Variants in ROBO2 observed in about 807,000 individuals in gnomAD.
ROBO2 encodes the protein roundabout homolog 2.
ROBO2 carries 53 observed loss-of-function variants against 160.8 expected under a neutral mutation model. The observed-to-expected ratio is 0.33, with a 90% CI of 0.26 to 0.41. The LOEUF (loss-of-function observed/expected upper bound fraction) is 0.41. ROBO2 is among the 10% of genes least tolerant of loss of function. The probability of loss-of-function intolerance (pLI) is 1.00; values close to 1 mark genes in which losing one functional copy is unlikely to be tolerated. For synonymous variants in ROBO2, 664 were observed against 611.7 expected (o/e 1.09, Z -1.26); for missense variants, 1,577 against 1,722.4 (o/e 0.92, Z 1.49).
intron 4 of ROBO2, among the ~76,000 whole-genome samples, chr3:77,489,074 G>T (rs1458398334): frequency 1.3e-5 from 2 of 152,166 alleles, no homozygotes; most frequent in African/African-American, 4.8e-5. Flanking sequence ...GTTAGAAAGG[G>T]TGCTATGGAA....
intron 2 of ROBO2, among the ~76,000 whole-genome samples, chr3:76,382,809 T>C (rs972485467): frequency 6.6e-6 from 1 of 152,152 alleles, no homozygotes; most frequent in Non-Finnish European, 1.5e-5. Context: ...TAACTGTAGA[T>C]GTTACATGAC....
rs1441792927 is a variant in ROBO2, at chr3:77,019,927, T to C, written c.110-78087T>C. ...AACCACAAGTCTCATTTCTTCCTGG[T>C]CGACTTGGTTATGGGGCTTAATAAT... On this transcript the variant is annotated intron_variant, in intron 2 of 26. Coordinates refer to the ROBO2 transcript ENST00000487694. Among the ~76,000 whole-genome samples, 4 of 152,194 alleles carry C rather than the reference T, an allele frequency of 2.6e-5. No individual in the cohort carries two copies. In the South Asian group the frequency reaches 8.3e-4, roughly 31 times the overall value.
At chr3:77,581,785 T>C (rs1198660432) in intron 16 of ROBO2, among the ~76,000 whole-genome samples, 1 of 152,166 alleles carries the variant, frequency 6.6e-6, no homozygotes, top group Non-Finnish European at 1.5e-5. Flanking sequence ...AATTATTTGT[T>C]AGTATTATCA....
intron 2 of ROBO2, among the ~76,000 whole-genome samples, chr3:76,334,504 A>C (rs1299331084): frequency 6.6e-6 from 1 of 152,206 alleles, no homozygotes; most frequent in Non-Finnish European, 1.5e-5. Context: ...ATGTTAGGGC[A>C]TTGAGAGGAC....
intron 13 of ROBO2, among the ~76,000 whole-genome samples, chr3:77,572,900 A>T (rs2093673467): frequency 6.6e-6 from 1 of 152,056 alleles, no homozygotes; most frequent in South Asian, 2.1e-4. Flanking sequence ...GACAAATTTC[A>T]ACATTTCAAC....
At chr3:76,129,014 T>C (rs1219757428) in intron 2 of ROBO2, among the ~76,000 whole-genome samples, 1 of 151,684 alleles carries the variant, frequency 6.6e-6, no homozygotes, top group African/African-American at 2.4e-5. Flanking sequence ...TGTGAGGTTA[T>C]ACTCTATGAA....
rs144181654 is a variant in ROBO2, at chr3:77,463,711, G to GC, written c.389-13702dup. ...TCCTCCCACCTCAGCCTCCAAAGTAGCTGTGACTACAGGCGCACACCATTA... is the reference window on the plus strand; with the variant it reads ...TCCTCCCACCTCAGCCTCCAAAGTAGCCTGTGACTACAGGCGCACACCATTA... On this transcript the variant is annotated intron_variant, in intron 2 of 25. Transcript: ENST00000461745. Among the ~76,000 whole-genome samples, 1,162 of 152,118 alleles carry GC rather than the reference G, an allele frequency of 7.6e-3. 23 individuals are homozygous for GC. The highest frequency in any genetic ancestry group is 0.026 in the African/African-American group (1,098 of 41,486).
chr3:76,468,263 G>T (rs2078463437), intron 2 of ROBO2, among the ~76,000 whole-genome samples: 1 of 152,138 alleles, frequency 6.6e-6, no homozygotes, highest in Admixed American at 6.6e-5. Context: ...TGAATCCATT[G>T]TCAGCACTTT....
chr3:76,196,093 T>G (rs1193246832), intron 2 of ROBO2, among the ~76,000 whole-genome samples: 1 of 152,158 alleles, frequency 6.6e-6, no homozygotes, highest in Non-Finnish European at 1.5e-5. Flanking sequence ...TTTCCTGTTC[T>G]CACTCTGGGA....
Position 76,828,858 on chromosome 3 carries a change from T to C in ROBO2, c.110-269156T>C, listed in dbSNP as rs1054768783. Among the ~76,000 whole-genome samples, 3 of 152,060 alleles carry C rather than the reference T, an allele frequency of 2.0e-5. No individual in the cohort carries two copies. In the East Asian group the frequency reaches 5.8e-4, roughly 29 times the overall value. ...CTGTGCCAAAAGACAGATGTTTTTG[T>C]ACCTCTTTTTACAGACAGAAAAAAA... On this transcript the variant is annotated intron_variant, in intron 2 of 26. Coordinates refer to the ROBO2 transcript ENST00000487694.
At chr3:77,564,883 C>T in intron 11 of ROBO2, 71 bp from the exon 13 acceptor site, 2 of 1,405,408 alleles carry the variant, frequency 1.4e-6, no homozygotes, top group African/African-American at 1.4e-5. Context: ...TAACCTTTGT[C>T]ATTGATACCC....
At chr3:77,545,858 TA>T (rs1018504476) in intron 6 of ROBO2, among the ~76,000 whole-genome samples, 4 of 152,120 alleles carry the variant, frequency 2.6e-5, no homozygotes, top group Non-Finnish European at 4.4e-5. Flanking sequence ...CTTTTAAGAA[TA>T]GGGGTCATAT....
At chr3:77,036,563 A>G (rs137972635), upstream of ROBO2, among the ~76,000 whole-genome samples, 27 of 152,182 alleles carry the variant, frequency 1.8e-4, 1 homozygote, top group Admixed American at 1.8e-3. Flanking sequence ...CCATTGGATA[A>G]CCTTACCCAA....
chr3:76,749,186 A>G (rs905900439), intron 2 of ROBO2, among the ~76,000 whole-genome samples: 1 of 151,928 alleles, frequency 6.6e-6, no homozygotes, highest in African/African-American at 2.4e-5. Flanking sequence ...TAGATTATGT[A>G]TCATTCTATT....
In ROBO2 at chr3:76,141,060, C is replaced by CACATATATATATATATATATAT. The variant is rs540516906; in HGVS notation, c.109+203459_109+203460insCATATATATATATATATATATA. 8.4e-4 allele frequency among the ~76,000 whole-genome samples: 45 copies of CACATATATATATATATATATAT among 53,586 alleles called. 2 individuals are homozygous for CACATATATATATATATATATAT. Among genetic ancestry groups the CACATATATATATATATATATAT allele is most frequent in the African/African-American group, 3.0e-3 (42 of 14,236 alleles). The allele number at this position is 53,586 out of a possible 152,430, so 35.2% of individuals were successfully genotyped here. On this transcript the variant is annotated intron_variant, in intron 2 of 26. Coordinates refer to the ROBO2 transcript ENST00000487694. The stretch of plus-strand genomic sequence containing the variant: ...ACACACACAGATGTCTTTTTACATA[C>CACATATATATATATATATATAT]ATATATATATATATATAAAATATAT...
intron 2 of ROBO2, among the ~76,000 whole-genome samples, chr3:76,212,385 A>T (rs1006656601): frequency 6.6e-6 from 1 of 151,974 alleles, no homozygotes; most frequent in Non-Finnish European, 1.5e-5. Flanking sequence ...TAAAAGAGGG[A>T]CAGGGCCCGA....
chr3:77,299,156 CA>C (rs1463997096), intron 2 of ROBO2, among the ~76,000 whole-genome samples: 1 of 152,072 alleles, frequency 6.6e-6, no homozygotes, highest in African/African-American at 2.4e-5. Context: ...GGATGTGAAA[CA>C]TTTTTTAAAA....
At chr3:77,042,438 A>C (rs1048816820) in intron 1 of ROBO2, among the ~76,000 whole-genome samples, 16 of 152,244 alleles carry the variant, frequency 1.1e-4, no homozygotes, top group Admixed American at 7.2e-4. Flanking sequence ...ACAGAAATGC[A>C]TGTGTAAACT....
At chr3:75,920,580 C>T (rs1279567458) in intron 1 of ROBO2, among the ~76,000 whole-genome samples, 1 of 152,060 alleles carries the variant, frequency 6.6e-6, no homozygotes, top group African/African-American at 2.4e-5. Flanking sequence ...GTCTGAATAT[C>T]CTTGTTAATT....
Sources: gnomAD v4.1 joint callset for allele counts (sites outside exome capture counted in the v4.1 genomes callset) on GRCh38, gnomAD v4.1.1 for gene constraint, MANE v1.5 for transcripts, NCBI Gene and HGNC (gene_info 2026-07-23, HGNC 2026-07-21) for gene names.